Variants in FIP1L1 observed in about 807,000 individuals in gnomAD.
FIP1L1 encodes factor interacting with PAPOLA and CPSF1.
In FIP1L1, 21 loss-of-function variants were observed where a neutral mutation model predicts 84.6. That is an observed-to-expected ratio of 0.25 (90% confidence interval 0.18 to 0.36). The LOEUF (loss-of-function observed/expected upper bound fraction) is 0.36. Among genes scored for constraint, FIP1L1 ranks in the 10% least tolerant of loss-of-function variants. The pLI is 1.00. For synonymous variants in FIP1L1, 263 were observed against 242.3 expected (o/e 1.09, Z -0.80); for missense variants, 526 against 751.1 (o/e 0.70, Z 3.50).
chr4:53,452,886 A>T (rs1267958429), intron 15 of FIP1L1, 34 bp from the exon 16 acceptor site: 23 of 1,573,714 alleles, frequency 1.5e-5, no homozygotes, highest in Non-Finnish European at 1.8e-5. Context: ...TTAAAGTACC[A>T]TAACGTTTGT....
Position 53,390,669 on chromosome 4 carries a change from TG to T in FIP1L1, c.505+42del, listed in dbSNP as rs757828548. On this transcript the variant is annotated intron_variant, in intron 7 of 17. Coordinates refer to ENST00000337488, the MANE Select transcript of FIP1L1 (RefSeq NM_030917.4). ...ATTATATTAATTTCAATATTTTCAG[TG>T]TGAAGTCATCAGAAAATTTTTTTGA... 1.4e-5 allele frequency: 20 copies of T among 1,383,424 alleles called. No individual in the cohort carries two copies. In the South Asian group the frequency reaches 2.3e-4, roughly 16 times the overall value. 85.7% of individuals were successfully genotyped at this position (1,383,424 alleles called of 1,614,324 possible).
At chr4:53,438,484 G>A (rs1770460379) in intron 13 of FIP1L1, among the ~76,000 whole-genome samples, 1 of 152,128 alleles carries the variant, frequency 6.6e-6, no homozygotes, top group Admixed American at 6.5e-5. Context: ...TTGTTTTAAT[G>A]AACATTTACT....
intron 11 of FIP1L1, among the ~76,000 whole-genome samples, chr4:53,424,849 T>C (rs1763711502): frequency 6.6e-6 from 1 of 152,146 alleles, no homozygotes; most frequent in Admixed American, 6.5e-5. Flanking sequence ...ATTTAATTCA[T>C]GCTTGTGTCA....
chr4:53,455,698 T>A (rs1718546424), intron 16 of FIP1L1, among the ~76,000 whole-genome samples: 1 of 152,076 alleles, frequency 6.6e-6, no homozygotes, highest in Non-Finnish European at 1.5e-5. Context: ...CAAAAAAAAT[T>A]GATATCGATG....
chr4:53,446,894 C>G (rs1247099124), intron 15 of FIP1L1, among the ~76,000 whole-genome samples: 1 of 152,048 alleles, frequency 6.6e-6, no homozygotes, highest in Non-Finnish European at 1.5e-5. Flanking sequence ...GTGAGAGTCT[C>G]TTGCCCACTC....
chr4:53,390,043 A>G (rs1743349216), intron 6 of FIP1L1, among the ~76,000 whole-genome samples, 170 bp downstream of exon 6: 1 of 151,956 alleles, frequency 6.6e-6, no homozygotes, highest in African/African-American at 2.4e-5. Context: ...GGCTCAAACC[A>G]TCCTCCCACT....
chr4:53,446,989 G>C (rs1379229531), intron 15 of FIP1L1, among the ~76,000 whole-genome samples: 6 of 151,902 alleles, frequency 3.9e-5, no homozygotes, highest in African/African-American at 1.5e-4. Context: ...AGCCTCTTTA[G>C]TAATAACAAT....
At chr4:53,452,870 G>GT in intron 15 of FIP1L1, 50 bp from the exon 16 acceptor site, 3 of 1,450,102 alleles carry the variant, frequency 2.1e-6, no homozygotes, top group Admixed American at 3.5e-5. Context: ...TGGGCATTTT[G>GT]TTTTTTTAAA....
chr4:53,400,360 T>C (rs1047743250), intron 10 of FIP1L1, among the ~76,000 whole-genome samples: 1 of 152,196 alleles, frequency 6.6e-6, no homozygotes. Context: ...GAGGCAAATA[T>C]GCTAGAAAAT....
Position 53,460,155 on chromosome 4 carries a change from C to T in FIP1L1, c.*706C>T. The T allele has an allele frequency of 5.0e-6, 1 of 198,902 alleles. No individual in the cohort carries two copies. The highest frequency in any genetic ancestry group is 1.0e-5 in the Non-Finnish European group (1 of 96,142). 12.3% of individuals were successfully genotyped at this position (198,902 alleles called of 1,614,324 possible). ...ATCGCCTCATGACCATGTCTGTGAG[C>T]CAGGGTCAAGCTGGTTTGGCCTTCT... On this transcript the variant is annotated 3_prime_UTR_variant, in exon 18 of 18. Transcript: ENST00000337488.
Position 53,459,787 on chromosome 4 carries a change from T to C in FIP1L1, c.*338T>C. The C allele has an allele frequency of 3.1e-6, 1 of 320,112 alleles. No homozygotes were observed. Among genetic ancestry groups the C allele is most frequent in the South Asian group, 4.8e-5 (1 of 20,748 alleles). 19.8% of individuals were successfully genotyped at this position (320,112 alleles called of 1,614,324 possible). On this transcript the variant is annotated 3_prime_UTR_variant, in exon 18 of 18. Transcript: ENST00000337488. ...AGGGTTCCACTTGGGCCACAGTTTT[T>C]TTGTTAATCAAACACCACTCTCTTA...
intron 10 of FIP1L1, among the ~76,000 whole-genome samples, chr4:53,409,157 G>A (rs1755607361): frequency 6.6e-6 from 1 of 152,184 alleles, no homozygotes; most frequent in African/African-American, 2.4e-5. Context: ...TGATGGTGAT[G>A]TACAGATGGG....
intron 16 of FIP1L1, among the ~76,000 whole-genome samples, chr4:53,454,513 A>G (rs529971807): frequency 5.3e-5 from 8 of 152,344 alleles, no homozygotes; most frequent in African/African-American, 1.9e-4. Flanking sequence ...GCTTTCCACC[A>G]TCCCCAGTGA....
In FIP1L1 at chr4:53,379,076, C is replaced by T. The variant is rs1578053659; in HGVS notation, c.89C>T (p.Pro30Leu). The stretch of plus-strand genomic sequence containing the variant: ...CTAACTTTGGATGTGCTTATAGGCC[C>T]ATGGGACGTGCATGTGCACAGTGAT... Reference protein sequence around the residue: ...DEEEEWLYGGPWDVHVHSDLA... With the variant: ...DEEEEWLYGGLWDVHVHSDLA... The change falls in exon 2 of 18, where the codon CCA becomes CTA. Residue 30 changes from proline to leucine, a missense_variant. Coordinates refer to ENST00000337488, the MANE Select transcript of FIP1L1 (RefSeq NM_030917.4). 1 of 1,613,918 alleles carries T rather than the reference C, an allele frequency of 6.2e-7. No individual in the cohort carries two copies. Among genetic ancestry groups the T allele is most frequent in the Non-Finnish European group, 8.5e-7 (1 of 1,179,936 alleles).
At chr4:53,427,403 C>T (rs1478448635) in intron 12 of FIP1L1, among the ~76,000 whole-genome samples, 1 of 152,140 alleles carries the variant, frequency 6.6e-6, no homozygotes, top group Non-Finnish European at 1.5e-5. Flanking sequence ...TGTCCCTTAA[C>T]CTGTTCACAC....
chr4:53,450,663 C>G (rs779767587), intron 15 of FIP1L1, among the ~76,000 whole-genome samples: 2 of 152,126 alleles, frequency 1.3e-5, no homozygotes, highest in Admixed American at 1.3e-4. Context: ...ACAGCAAGAC[C>G]TCATCTCTTA....
intron 10 of FIP1L1, among the ~76,000 whole-genome samples, chr4:53,409,021 T>C (rs571671017): frequency 6.6e-6 from 1 of 152,362 alleles, no homozygotes; most frequent in East Asian, 1.9e-4. Flanking sequence ...TGTCCAGCTT[T>C]GTTCCGTTGC....
intron 10 of FIP1L1, among the ~76,000 whole-genome samples, chr4:53,401,623 T>C (rs1236628455): frequency 1.3e-5 from 2 of 152,144 alleles, no homozygotes; most frequent in African/African-American, 2.4e-5. Context: ...TGGATGTAGA[T>C]TGTAGAGGAA....
At chr4:53,429,002 G>A (rs549023333) in intron 13 of FIP1L1, among the ~76,000 whole-genome samples, 37 of 152,322 alleles carry the variant, frequency 2.4e-4, no homozygotes, top group Admixed American at 5.9e-4. Context: ...AGAGAGCCAT[G>A]TACTCTCACT....
Sources: allele counts gnomAD v4.1 joint callset (sites outside exome capture counted in the v4.1 genomes callset), GRCh38; gene constraint gnomAD v4.1.1; transcripts MANE v1.5; gene names NCBI Gene and HGNC (gene_info 2026-07-23, HGNC 2026-07-21).